Variants in CNTN6 observed in about 807,000 individuals in gnomAD.
CNTN6 encodes contactin-6.
Under a neutral mutation model 122.8 loss-of-function variants are expected in CNTN6, and 137 were observed. The observed-to-expected ratio is 1.12, with a 90% confidence interval of 0.97 to 1.29. CNTN6 has a LOEUF of 1.29. Among genes scored for constraint, CNTN6 ranks in the 50% most tolerant of loss-of-function variants. The pLI is 0.00. For synonymous variants in CNTN6, 570 were observed against 426.0 expected (o/e 1.34, Z -4.16); for missense variants, 1,634 against 1,223.4 (o/e 1.34, Z -5.01).
intron 7 of CNTN6, among the ~76,000 whole-genome samples, chr3:1,307,029 A>T (rs1335435182): frequency 6.6e-6 from 1 of 152,184 alleles, no homozygotes; most frequent in African/African-American, 2.4e-5. Context: ...TCATTTAGGT[A>T]GTCAGTCAGG....
intron 13 of CNTN6, 145 bp from the exon 14 acceptor site, chr3:1,372,692 GT>G: frequency 1.5e-6 from 1 of 681,968 alleles, no homozygotes; most frequent in Non-Finnish European, 2.5e-6. Flanking sequence ...TAATAAAAGG[GT>G]TTAGATACAA....
In CNTN6 at chr3:1,295,650, G is replaced by A. The variant is rs777498766; in HGVS notation, c.504G>A (p.Glu168=). The change falls in exon 6 of 23, where the codon GAG becomes GAA. Residue 168 remains glutamate, a synonymous_variant. Transcript: ENST00000446702. ...TFNDNPLYVQ[E]DNRRFVSQET... ...ATGATAACCCCTTATACGTCCAAGA[G>A]GACAATAGGCGATTTGTATCTCAAG... 30 of 1,613,810 alleles carry A rather than the reference G, an allele frequency of 1.9e-5. No homozygotes were observed. Among genetic ancestry groups the A allele is most frequent in the South Asian group, 3.3e-5 (3 of 91,088 alleles).
intron 7 of CNTN6, 31 bp downstream of exon 7, chr3:1,298,022 T>A (rs780759237): frequency 6.6e-7 from 1 of 1,505,120 alleles, no homozygotes; most frequent in African/African-American, 1.4e-5. Context: ...TTTGTTTTCC[T>A]GGTTGCATTA....
intron 1 of CNTN6, among the ~76,000 whole-genome samples, chr3:1,100,363 A>G (rs574931858): frequency 1.3e-5 from 2 of 152,240 alleles, no homozygotes; most frequent in South Asian, 4.1e-4. Context: ...TTTGCTCATG[A>G]GGGGACTGTT....
chr3:1,319,681 G>C (rs1700576203), intron 7 of CNTN6, among the ~76,000 whole-genome samples: 1 of 151,222 alleles, frequency 6.6e-6, no homozygotes, highest in Admixed American at 6.6e-5. Context: ...TCAGAGATTT[G>C]CTGTCATAAA....
intron 1 of CNTN6, among the ~76,000 whole-genome samples, chr3:1,109,934 G>T (rs997444501): frequency 6.6e-6 from 1 of 151,736 alleles, no homozygotes; most frequent in African/African-American, 2.4e-5. Context: ...CTATATACAG[G>T]TCTTTATAGC....
chr3:1,313,828 A>G (rs1411442842), intron 7 of CNTN6, among the ~76,000 whole-genome samples: 1 of 152,016 alleles, frequency 6.6e-6, no homozygotes, highest in Non-Finnish European at 1.5e-5. Context: ...GCAACAGCAG[A>G]CTTAGTGTTT....
At chr3:1,333,489 A>G (rs1366002524) in intron 11 of CNTN6, among the ~76,000 whole-genome samples, 1 of 152,108 alleles carries the variant, frequency 6.6e-6, no homozygotes, top group East Asian at 1.9e-4. Context: ...AAAAAGTCAG[A>G]TATAGGAAAA....
chr3:1,189,650 T>G (rs9840388), intron 2 of CNTN6, among the ~76,000 whole-genome samples: 3 of 151,906 alleles, frequency 2.0e-5, no homozygotes, highest in Non-Finnish European at 4.4e-5. Context: ...GCCTCCTTCA[T>G]GTCGACTCCA....
chr3:1,145,753 T>C (rs2125160660), intron 1 of CNTN6, among the ~76,000 whole-genome samples: 1 of 152,246 alleles, frequency 6.6e-6, no homozygotes, highest in Non-Finnish European at 1.5e-5. Flanking sequence ...GCACAGGAAG[T>C]AGATCTTTGT....
chr3:1,297,159 A>G (rs1016962243), intron 6 of CNTN6, among the ~76,000 whole-genome samples: 1 of 152,132 alleles, frequency 6.6e-6, no homozygotes, highest in Non-Finnish European at 1.5e-5. Context: ...TTTCATATAT[A>G]TTTTGTAATT....
intron 4 of CNTN6, among the ~76,000 whole-genome samples, chr3:1,258,655 T>C (rs2094797423): frequency 6.6e-6 from 1 of 152,098 alleles, no homozygotes; most frequent in South Asian, 2.1e-4. Flanking sequence ...AAAAGTCAAC[T>C]TTTTCAACTT....
chr3:1,102,558 G>A lies in CNTN6; in HGVS notation c.-83+9438G>A, dbSNP rs189291806. Among the ~76,000 whole-genome samples, 44 of 149,718 alleles carry A rather than the reference G, an allele frequency of 2.9e-4. No homozygotes were observed. In the East Asian group the frequency reaches 3.5e-3, roughly 12 times the overall value. On this transcript the variant is annotated intron_variant, in intron 1 of 22. Coordinates refer to ENST00000446702, the MANE Select transcript of CNTN6 (RefSeq NM_001289080.2). ...ATCCTGGCTAACACGGTGAAACCCC[G>A]TCTCTACTAAAAATACAAAAATGAG...
At chr3:1,106,766 G>C in intron 1 of CNTN6, among the ~76,000 whole-genome samples, 1 of 151,766 alleles carries the variant, frequency 6.6e-6, no homozygotes, top group East Asian at 1.9e-4. Context: ...ATATTCTCTG[G>C]GCTCATGGTT....
intron 4 of CNTN6, among the ~76,000 whole-genome samples, chr3:1,271,728 C>G (rs1044743810): frequency 2.6e-5 from 4 of 152,108 alleles, no homozygotes; most frequent in African/African-American, 7.2e-5. Context: ...GAGAAAGCAC[C>G]TTTACCCCTC....
intron 2 of CNTN6, among the ~76,000 whole-genome samples, chr3:1,159,391 G>A (rs1286723336): frequency 2.6e-5 from 4 of 151,982 alleles, no homozygotes; most frequent in Non-Finnish European, 2.9e-5. Context: ...GGAGCAGGAT[G>A]GTGTGGGATG....
rs145407681 is a variant in CNTN6, at chr3:1,291,124, C to T, written c.455-4477C>T. ...GATCTAGGTTCAAGCCCTGCTCCTCCCACATGTTATGAATACAATTTTGGG... is the reference window on the plus strand; with the variant it reads ...GATCTAGGTTCAAGCCCTGCTCCTCTCACATGTTATGAATACAATTTTGGG... On this transcript the variant is annotated intron_variant, in intron 5 of 22. Coordinates refer to ENST00000446702, the MANE Select transcript of CNTN6 (RefSeq NM_001289080.2). 2.7e-3 allele frequency among the ~76,000 whole-genome samples: 412 copies of T among 152,170 alleles called. 3 individuals are homozygous for T. The highest frequency in any genetic ancestry group is 9.4e-3 in the African/African-American group (390 of 41,526).
chr3:1,115,195 G>A (rs2091664034), intron 1 of CNTN6, among the ~76,000 whole-genome samples: 1 of 152,102 alleles, frequency 6.6e-6, no homozygotes, highest in African/African-American at 2.4e-5. Flanking sequence ...CCCATGTTTA[G>A]AAATTCCCCA....
intron 20 of CNTN6, among the ~76,000 whole-genome samples, chr3:1,386,221 T>TAAGTAA (rs917396272): frequency 1.4e-5 from 2 of 142,936 alleles, no homozygotes; most frequent in African/African-American, 5.7e-5. Context: ...TTATTAATAA[T>TAAGTAA]AAGTGTCCAG....
Sources: allele counts gnomAD v4.1 joint callset (sites outside exome capture counted in the v4.1 genomes callset), GRCh38; gene constraint gnomAD v4.1.1; transcripts MANE v1.5; gene names NCBI Gene and HGNC (gene_info 2026-07-23, HGNC 2026-07-21).